Variants in GATB observed in about 807,000 individuals in gnomAD.
GATB encodes the protein glutamyl-tRNA amidotransferase subunit B.
GATB carries 39 observed loss-of-function variants against 62.3 expected under a neutral mutation model. That is an observed-to-expected ratio of 0.63 (90% CI 0.48 to 0.82). GATB has a LOEUF of 0.82. Ranked by LOEUF, GATB falls within the 40% of genes least tolerant of loss-of-function variation. The pLI is 0.00. For missense variants in GATB, 670 were observed against 684.0 expected (o/e 0.98, Z 0.23); for synonymous variants, 276 against 258.9 (o/e 1.07, Z -0.63).
rs1380416078 is a variant in GATB, at chr4:151,702,575, G to A, written c.1008-1057C>T. Among the ~76,000 whole-genome samples, 4 of 152,220 alleles carry A rather than the reference G, an allele frequency of 2.6e-5. No homozygotes were observed. The East Asian group carries it at 7.7e-4, about 29-fold the overall frequency. ...CTTGCATTACTGTGGCACATTAACA[G>A]GAGACTCTGGGGGGAGAGTGGGGAG... On this transcript the variant is annotated intron_variant, in intron 8 of 12. Coordinates refer to ENST00000263985, the MANE Select transcript of GATB (RefSeq NM_004564.3).
At chr4:151,689,439 C>T (rs779183670) in intron 9 of GATB, among the ~76,000 whole-genome samples, 12 of 152,238 alleles carry the variant, frequency 7.9e-5, no homozygotes, top group Non-Finnish European at 1.6e-4. Context: ...ACAAGATGCC[C>T]TGCCTCTCAT....
intron 5 of GATB, 135 bp downstream of exon 5, chr4:151,715,874 G>A (rs1232544951): frequency 1.1e-5 from 11 of 1,002,514 alleles, no homozygotes; most frequent in Non-Finnish European, 1.4e-5. Context: ...CAAAAAAACA[G>A]GGTTGCAAAA....
At position 151,688,630 on chromosome 4, in the gene GATB, C is replaced by T. The variant is rs761753310; in HGVS notation, c.1331G>A (p.Ser444Asn). The change falls in exon 10 of 13, where the codon AGT (serine) becomes AAT (asparagine). Residue 444 changes from serine to asparagine, a missense_variant and splice_region_variant. Physicochemically the swap from Ser to Asn is conservative, Grantham distance 46. Transcript: ENST00000263985. ...GAAAGAAATCCCAGACCTCACTCAC[C>T]TCTCACTGACAGCGAGGTTCTGTTG... ...LKQQNLAVSESPVTPSALAEL... is the reference protein window; with the variant it reads ...LKQQNLAVSENPVTPSALAEL... 9.4e-6 allele frequency: 15 copies of T among 1,602,242 alleles called. No individual in the cohort carries two copies. The African/African-American group carries it at 1.8e-4, about 19-fold the overall frequency.
intron 9 of GATB, among the ~76,000 whole-genome samples, chr4:151,697,963 A>ATATATATATG: frequency 8.6e-6 from 1 of 116,708 alleles, no homozygotes; most frequent in Non-Finnish European, 1.7e-5. Context: ...GTATATATAT[A>ATATATATATG]TATATATATA....
At chr4:151,719,965 T>G (rs537010917) in intron 2 of GATB, 2 of 153,044 alleles carry the variant, frequency 1.3e-5, no homozygotes, top group East Asian at 3.9e-4. Context: ...GGCTTCACTT[T>G]GACAGAAAAA....
At chr4:151,683,518 G>A (rs969371116) in intron 10 of GATB, among the ~76,000 whole-genome samples, 1 of 152,172 alleles carries the variant, frequency 6.6e-6, no homozygotes, top group African/African-American at 2.4e-5. Flanking sequence ...GCCGTGAGGA[G>A]GATGCCCAGG....
chr4:151,724,404 C>T (rs1381689647), intron 2 of GATB: 1 of 152,330 alleles, frequency 6.6e-6, no homozygotes, highest in African/African-American at 2.4e-5. Context: ...CACACCTCTC[C>T]TAAGGTGACC....
Position 151,732,110 on chromosome 4 carries a change from G to C in GATB, c.328-12572C>G, listed in dbSNP as rs560948550. Among the ~76,000 whole-genome samples the C allele has an allele frequency of 5.6e-4, 79 of 140,674 alleles. No individual in the cohort carries two copies. In the South Asian group the frequency reaches 9.0e-3, roughly 16 times the overall value. The allele number at this position is 140,674 out of a possible 152,430, so 92.3% of individuals were successfully genotyped here. ...CCCGTCCGGGAGGGAGGTGGGGGGA[G>C]CCTCCGCCCGGCCACCGCCCCGTCC... On this transcript the variant is annotated intron_variant, in intron 2 of 12. Coordinates refer to ENST00000263985, the MANE Select transcript of GATB (RefSeq NM_004564.3).
chr4:151,748,711 C>T (rs1414239210), intron 2 of GATB, among the ~76,000 whole-genome samples: 23 of 152,292 alleles, frequency 1.5e-4, no homozygotes, highest in African/African-American at 4.3e-4. Context: ...AAACTACCAT[C>T]GGAGTGAACA....
chr4:151,760,663 T>C (rs1739935296), intron 1 of GATB, 144 bp downstream of exon 1: 2 of 603,460 alleles, frequency 3.3e-6, no homozygotes, highest in Non-Finnish European at 5.3e-6. Flanking sequence ...TGTGCTTTTA[T>C]TTAGGTTTCG....
At chr4:151,746,760 G>A (rs902875115) in intron 2 of GATB, among the ~76,000 whole-genome samples, 1 of 152,204 alleles carries the variant, frequency 6.6e-6, no homozygotes, top group Admixed American at 6.5e-5. Context: ...AGAACGGGGA[G>A]GGGGTTGGTC....
rs1166911496 is a variant in GATB, at chr4:151,730,402, G to T, written c.328-10864C>A. Among the ~76,000 whole-genome samples the T allele has an allele frequency of 6.6e-6, 1 of 152,148 alleles. No individual in the cohort carries two copies. Among genetic ancestry groups the T allele is most frequent in the Non-Finnish European group, 1.5e-5 (1 of 68,040 alleles). On this transcript the variant is annotated intron_variant, in intron 2 of 12. Coordinates refer to ENST00000263985, the MANE Select transcript of GATB (RefSeq NM_004564.3). This position sits in a 1 kb window ranked among gnomAD's most constrained non-coding sequence, Gnocchi z 4.1. ...GAGTTCTAGGGCCCCGCCCACCACT[G>T]GTCCCTCTCCATACTACAGCTAATG...
At chr4:151,741,982 G>A (rs1045070814) in intron 2 of GATB, among the ~76,000 whole-genome samples, 6 of 152,122 alleles carry the variant, frequency 3.9e-5, no homozygotes, top group Non-Finnish European at 8.8e-5. Context: ...TGTGATGAGA[G>A]GACAGATAAA....
intron 5 of GATB, among the ~76,000 whole-genome samples, chr4:151,708,642 C>G (rs933676253): frequency 6.6e-6 from 1 of 152,178 alleles, no homozygotes; most frequent in African/African-American, 2.4e-5. Context: ...GGCTTTCCCC[C>G]CTCCTCCTTC....
chr4:151,676,577 A>G (rs1738011209), intron 11 of GATB: 1 of 152,192 alleles, frequency 6.6e-6, no homozygotes, highest in East Asian at 1.9e-4. Flanking sequence ...TGTAACTCTG[A>G]CAGTTTGGGA....
At chr4:151,750,173 G>A (rs4696110) in intron 2 of GATB, among the ~76,000 whole-genome samples, 64,350 of 152,012 alleles carry the variant, frequency 0.42, 14,357 homozygotes, top group South Asian at 0.57. Context: ...GAGCCACCAC[G>A]CCCAGCCCCT....
At chr4:151,748,399 C>A (rs1372239945) in intron 2 of GATB, among the ~76,000 whole-genome samples, 1 of 152,180 alleles carries the variant, frequency 6.6e-6, no homozygotes, top group Non-Finnish European at 1.5e-5. Flanking sequence ...CTGACAAAAA[C>A]AAGAAATCGG....
chr4:151,706,597 T>C (rs1361818937), intron 6 of GATB, among the ~76,000 whole-genome samples: 1 of 152,212 alleles, frequency 6.6e-6, no homozygotes, highest in African/African-American at 2.4e-5. Flanking sequence ...TATAGGAGCC[T>C]ATCCCTTCCC....
intron 2 of GATB, among the ~76,000 whole-genome samples, chr4:151,725,929 A>G (rs868771760): frequency 7.9e-5 from 12 of 152,204 alleles, no homozygotes; most frequent in African/African-American, 1.2e-4. Flanking sequence ...AGTTAGTCCA[A>G]TAAGTATCAG....
Sources: allele counts gnomAD v4.1 joint callset (sites outside exome capture counted in the v4.1 genomes callset), GRCh38; gene constraint gnomAD v4.1.1; non-coding constraint Gnocchi (gnomAD v3.1); transcripts MANE v1.5; gene names NCBI Gene and HGNC (gene_info 2026-07-23, HGNC 2026-07-21).